The following RAB9B variants were observed in gnomAD, a reference collection of about 807,000 sequenced individuals.
RAB9B encodes ras-related protein Rab-9B.
RAB9B carries 1 observed loss-of-function variant against 8.9 expected under a neutral mutation model. The observed-to-expected ratio is 0.11, with a 90% CI of 0.04 to 0.53. RAB9B has a LOEUF of 0.53. Ranked by LOEUF, RAB9B falls within the 20% of genes least tolerant of loss-of-function variation. The pLI, the probability that RAB9B is intolerant of heterozygous loss-of-function variation, is 0.93. For missense variants in RAB9B, 82 were observed against 152.9 expected, an observed-to-expected ratio of 0.54 and a Z score of 2.45; for synonymous variants, 63 against 57.0, an observed-to-expected ratio of 1.10 and a Z score of -0.47.
the RAB9B span, chrX:103,786,260 A>C: frequency 8.9e-7 from 1 of 1,120,835 alleles, no homozygotes. Context: ...GGAGGGGCAT[A>C]TGTTTCTGGT....
At chrX:103,788,688 C>A in the RAB9B span, 9 of 491,715 alleles carry the variant, frequency 1.8e-5, no homozygotes, top group African/African-American at 2.1e-4. Context: ...AGGTAAAACA[C>A]CTGTTTTCTC....
At chrX:103,776,565 T>A in the RAB9B span, 1 of 152,452 alleles carries the variant, frequency 6.6e-6, no homozygotes. Context: ...CAAGGATCAG[T>A]TGGAAGTTTC....
At chrX:103,790,418 CT>C in the RAB9B span, 2 of 635,941 alleles carry the variant, frequency 3.1e-6, no homozygotes, top group Non-Finnish European at 5.4e-6. Flanking sequence ...GGGTTTTTCC[CT>C]TATTTAGTTA....
the RAB9B span, chrX:103,786,819 C>A: frequency 1.1e-6 from 1 of 929,464 alleles, no homozygotes. Flanking sequence ...GCTGGGTCCT[C>A]TCTAGGGGCC....
downstream of RAB9B, among the ~76,000 whole-genome samples, chrX:103,817,367 G>A (rs2074643257): frequency 9.0e-6 from 1 of 110,757 alleles, no homozygotes; most frequent in Non-Finnish European, 1.9e-5. Flanking sequence ...ACTCATAAGT[G>A]GGAGTCGAAC....
the RAB9B span, chrX:103,787,598 C>G: frequency 2.2e-6 from 1 of 461,255 alleles, no homozygotes; most frequent in Admixed American, 3.2e-5. Context: ...CCCCCACCCT[C>G]CGTTATACTG....
chrX:103,795,057 T>C, the RAB9B span, among the ~76,000 whole-genome samples: 2 of 111,937 alleles, frequency 1.8e-5, no homozygotes, highest in African/African-American at 6.5e-5. Context: ...TGCCAAGTAT[T>C]ATGCAAAGTG....
At chrX:103,806,649 T>G in the RAB9B span, among the ~76,000 whole-genome samples, 2 of 111,876 alleles carry the variant, frequency 1.8e-5, no homozygotes, top group South Asian at 7.5e-4. Context: ...TCTTAGTTGT[T>G]TAGTTGCCTA....
At chrX:103,786,244 G>A in the RAB9B span, 17 of 1,132,343 alleles carry the variant, frequency 1.5e-5, no homozygotes, top group South Asian at 1.9e-4. Context: ...TAAGCAAGGT[G>A]TGGCGGGAGG....
the RAB9B span, among the ~76,000 whole-genome samples, chrX:103,803,223 GAATTGCT>G: frequency 1.8e-5 from 2 of 111,929 alleles, no homozygotes; most frequent in Non-Finnish European, 3.8e-5. Context: ...CCTAGGAGTA[GAATTGCT>G]GAGACATATG....
At position 103,822,997 on chromosome X, in the gene RAB9B, T is replaced by A. The variant is rs190703858; in HGVS notation, c.*2182A>T. ...GCCTATGAATCCGATACCCATGTAA[T>A]TTTTTTTTTTTTACTCAAATGACCA... On this transcript the variant is annotated 3_prime_UTR_variant, in exon 3 of 3. Coordinates refer to ENST00000243298, the MANE Select transcript of RAB9B (RefSeq NM_016370.4). 2 of 103,369 alleles carry A rather than the reference T, an allele frequency of 1.9e-5. No individual in the cohort carries two copies. The highest frequency in any genetic ancestry group is 5.9e-4 in the East Asian group (2 of 3,387). 8.5% of individuals were successfully genotyped at this position (103,369 alleles called of 1,213,427 possible).
intron 2 of RAB9B, among the ~76,000 whole-genome samples, chrX:103,826,584 G>A (rs2074684174): frequency 8.9e-6 from 1 of 112,049 alleles, no homozygotes; most frequent in African/African-American, 3.2e-5. Context: ...AAAATTTAAA[G>A]TGCTAATATT....
chrX:103,817,292 A>C, the RAB9B span, among the ~76,000 whole-genome samples: 1 of 111,396 alleles, frequency 9.0e-6, no homozygotes, highest in South Asian at 3.8e-4. Context: ...GACATGGATG[A>C]AGCTGGAAAC....
At chrX:103,788,248 G>A in the RAB9B span, among the ~76,000 whole-genome samples, 2 of 111,743 alleles carry the variant, frequency 1.8e-5, no homozygotes, top group Admixed American at 9.5e-5. Flanking sequence ...ACAAACACAA[G>A]GTTTCACCAC....
intron 1 of RAB9B, among the ~76,000 whole-genome samples, chrX:103,828,754 T>C (rs950337210): frequency 2.3e-4 from 26 of 112,006 alleles, no homozygotes; most frequent in African/African-American, 8.4e-4. Context: ...AATGCTGCAG[T>C]TGCTTGTGCA....
the RAB9B span, among the ~76,000 whole-genome samples, chrX:103,800,782 T>C: frequency 8.9e-6 from 1 of 111,899 alleles, no homozygotes; most frequent in Non-Finnish European, 1.9e-5. Context: ...AGCTTTTACC[T>C]TCACAGGTAA....
chrX:103,822,536 A>T lies in RAB9B; in HGVS notation c.*2643T>A, dbSNP rs2074665587. 8.9e-6 allele frequency: 1 copy of T among 111,825 alleles called. No individual in the cohort carries two copies. The highest frequency in any genetic ancestry group is 1.9e-5 in the Non-Finnish European group (1 of 53,188). 9.2% of individuals were successfully genotyped at this position (111,825 alleles called of 1,213,427 possible). On this transcript the variant is annotated 3_prime_UTR_variant, in exon 3 of 3. Coordinates refer to ENST00000243298, the MANE Select transcript of RAB9B (RefSeq NM_016370.4). ...ATCCACTGAAGACATATGGAATCTGAGGCCCCTGAAAGTTAGCCAATACAT... is the reference window on the plus strand; with the variant it reads ...ATCCACTGAAGACATATGGAATCTGTGGCCCCTGAAAGTTAGCCAATACAT...
chrX:103,785,508 GC>G, the RAB9B span: 14 of 904,491 alleles, frequency 1.5e-5, no homozygotes, highest in Middle Eastern at 3.9e-4. Flanking sequence ...TGAGCACAGG[GC>G]CTGGCAGAGG....
At chrX:103,804,493 A>G in the RAB9B span, among the ~76,000 whole-genome samples, 2 of 112,106 alleles carry the variant, frequency 1.8e-5, no homozygotes, top group African/African-American at 6.5e-5. Context: ...TTGCACTTCC[A>G]TATCAATTTC....
Sources: allele counts gnomAD v4.1 joint callset (sites outside exome capture counted in the v4.1 genomes callset), GRCh38; gene constraint gnomAD v4.1.1; transcripts MANE v1.5; gene names NCBI Gene and HGNC (gene_info 2026-07-23, HGNC 2026-07-21).